The following HDGFL3 variants were observed in gnomAD, a reference collection of about 807,000 sequenced individuals.
The protein encoded by HDGFL3 is HDGF like 3.
Under a neutral mutation model 27.6 loss-of-function variants are expected in HDGFL3, and 6 were observed. The observed-to-expected ratio is 0.22, with a 90% CI of 0.12 to 0.43. The LOEUF is 0.43. HDGFL3 is among the 20% of genes least tolerant of loss of function. The pLI, the probability that HDGFL3 is intolerant of heterozygous loss-of-function variation, is 1.00. For synonymous variants in HDGFL3, 88 were observed against 88.9 expected (o/e 0.99, Z 0.05); for missense variants, 207 against 250.1 (o/e 0.83, Z 1.16).
downstream of HDGFL3, among the ~76,000 whole-genome samples, chr15:83,123,780 A>C (rs527388865): frequency 6.6e-6 from 1 of 152,342 alleles, no homozygotes; most frequent in Admixed American, 6.5e-5. Flanking sequence ...TAAAGGTTCC[A>C]TGTCAGTGTG....
At chr15:83,191,812 C>T (rs144544269) in intron 1 of HDGFL3, among the ~76,000 whole-genome samples, 128 of 152,024 alleles carry the variant, frequency 8.4e-4, no homozygotes, top group African/African-American at 2.6e-3. Flanking sequence ...CAAAAATCAC[C>T]GAATCCAAGC....
At chr15:83,144,179 T>C (rs1032493875) in intron 5 of HDGFL3, among the ~76,000 whole-genome samples, 1 of 152,212 alleles carries the variant, frequency 6.6e-6, no homozygotes, top group Admixed American at 6.5e-5. Flanking sequence ...GCGGATGCCA[T>C]AGCTGTGTGG....
chr15:83,162,797 G>A (rs1021316742), intron 2 of HDGFL3, among the ~76,000 whole-genome samples: 2 of 152,184 alleles, frequency 1.3e-5, no homozygotes, highest in Admixed American at 1.3e-4. Flanking sequence ...ACGTTCAAAT[G>A]AACATAAGTG....
At chr15:83,116,710 G>A (rs574459208) in intron 3 of HDGFL3, among the ~76,000 whole-genome samples, 1 of 152,358 alleles carries the variant, frequency 6.6e-6, no homozygotes, top group South Asian at 2.1e-4. Flanking sequence ...ACCAGCAGGG[G>A]CATAAACGTG....
rs925207141 is a variant in HDGFL3 at position 83,129,795 on chromosome 15, G to A, written c.*9475C>T. ...GGCTTTATTAGGCTGAGCCTCTCCA[G>A]GGAATAACCCAGGGAAACACTGAGG... On this transcript the variant is annotated 3_prime_UTR_variant, in exon 6 of 6. Transcript: ENST00000299633. 2.0e-5 allele frequency: 3 copies of A among 152,276 alleles called. No individual in the cohort carries two copies. Among genetic ancestry groups the A allele is most frequent in the African/African-American group, 7.2e-5 (3 of 41,446 alleles). 9.4% of individuals were successfully genotyped at this position (152,276 alleles called of 1,614,324 possible). A position where few individuals can be genotyped will look rare whatever the true frequency, so the allele number is the denominator to read the frequency against.
chr15:83,171,328 G>A (rs956019163), intron 1 of HDGFL3, among the ~76,000 whole-genome samples: 1 of 152,230 alleles, frequency 6.6e-6, no homozygotes, highest in Non-Finnish European at 1.5e-5. Flanking sequence ...GTGGAAAGCA[G>A]TTTGGAGATT....
intron 1 of HDGFL3, among the ~76,000 whole-genome samples, chr15:83,177,681 C>T (rs1299014122): frequency 6.6e-6 from 1 of 152,076 alleles, no homozygotes; most frequent in Non-Finnish European, 1.5e-5. Context: ...AAACATTGGT[C>T]ACTGAGTGTG....
At chr15:83,157,331 C>G (rs773738936) in intron 4 of HDGFL3, 84 bp downstream of exon 4, 25 of 1,310,760 alleles carry the variant, frequency 1.9e-5, no homozygotes, top group Non-Finnish European at 2.5e-5. Flanking sequence ...TTTCTATGTA[C>G]CCAATAAACA....
intron 3 of HDGFL3, chr15:83,120,094 A>T (rs535189500): frequency 5.5e-6 from 1 of 182,300 alleles, no homozygotes; most frequent in Non-Finnish European, 1.2e-5. Context: ...GCTTGGCTAC[A>T]TGGCTTGTCC....
chr15:83,115,425 T>G, exon 4 of HDGFL3: 1 of 335,152 alleles, frequency 3.0e-6, no homozygotes, highest in South Asian at 2.4e-5. Flanking sequence ...GCCTGAATCA[T>G]TGTCTTAAAC....
chr15:83,112,806 T>C, exon 4 of HDGFL3: 1 of 1,613,946 alleles, frequency 6.2e-7, no homozygotes, highest in South Asian at 1.1e-5. Context: ...GTTCCTGGAC[T>C]ATTGTAGGGG....
rs2036584230 is a variant in HDGFL3 at position 83,136,002 on chromosome 15, G to T, written c.*3268C>A. The T allele has an allele frequency of 6.6e-6, 1 of 152,496 alleles. No individual in the cohort carries two copies. Among genetic ancestry groups the T allele is most frequent in the African/African-American group, 2.4e-5 (1 of 41,430 alleles). The allele number at this position is 152,496 out of a possible 1,614,324, so 9.4% of individuals were successfully genotyped here. ...GATAAATGAAGCTGAGGTCCCCCCA[G>T]TGCTTCCCTTTCAATAGTTTATGCT... On this transcript the variant is annotated 3_prime_UTR_variant, in exon 6 of 6. Transcript: ENST00000299633.
At chr15:83,175,612 C>T (rs902305563) in intron 1 of HDGFL3, among the ~76,000 whole-genome samples, 3 of 152,198 alleles carry the variant, frequency 2.0e-5, no homozygotes, top group South Asian at 2.1e-4. Context: ...GTAATCCCAG[C>T]GCTTTGGAAG....
chr15:83,132,699 G>A lies in HDGFL3; in HGVS notation c.*6571C>T, dbSNP rs1427010833. On this transcript the variant is annotated 3_prime_UTR_variant, in exon 6 of 6. Coordinates refer to ENST00000299633, the MANE Select transcript of HDGFL3 (RefSeq NM_016073.4). ...ATGAGCCACCACGCTCAGCCTGGAA[G>A]TAAATTTCATACGGTTTTTCCCTCA... The A allele has an allele frequency of 6.6e-6, 1 of 152,070 alleles. No homozygotes were observed. The highest frequency in any genetic ancestry group is 1.5e-5 in the Non-Finnish European group (1 of 68,016). The allele number at this position is 152,070 out of a possible 1,614,324, so 9.4% of individuals were successfully genotyped here.
At chr15:83,179,510 T>C (rs1480930115) in intron 1 of HDGFL3, among the ~76,000 whole-genome samples, 1 of 152,110 alleles carries the variant, frequency 6.6e-6, no homozygotes, top group Non-Finnish European at 1.5e-5. Context: ...AGATGGTAGT[T>C]GGGGGTGAGA....
chr15:83,182,794 T>A (rs1375533762), intron 1 of HDGFL3, among the ~76,000 whole-genome samples: 1 of 152,182 alleles, frequency 6.6e-6, no homozygotes, highest in African/African-American at 2.4e-5. Flanking sequence ...GTTATATGCA[T>A]GCTGAAGTAT....
At chr15:83,202,231 C>T (rs2037656292) in intron 1 of HDGFL3, among the ~76,000 whole-genome samples, 3 of 151,980 alleles carry the variant, frequency 2.0e-5, no homozygotes, top group African/African-American at 7.2e-5. Flanking sequence ...AAAACTATAC[C>T]CCTGTGCCTT....
chr15:83,118,097 C>T (rs749263723), intron 3 of HDGFL3, among the ~76,000 whole-genome samples: 2 of 152,150 alleles, frequency 1.3e-5, no homozygotes, highest in Non-Finnish European at 2.9e-5. Flanking sequence ...CCTGGTGGCT[C>T]ATGCCTGTAA....
At chr15:83,150,973 T>A (rs1296332078) in intron 5 of HDGFL3, among the ~76,000 whole-genome samples, 3 of 152,176 alleles carry the variant, frequency 2.0e-5, no homozygotes, top group Non-Finnish European at 4.4e-5. Context: ...AAAGTTAGTA[T>A]AAAGAAAAAT....
Sources: allele counts gnomAD v4.1 joint callset (sites outside exome capture counted in the v4.1 genomes callset), GRCh38; gene constraint gnomAD v4.1.1; transcripts MANE v1.5; gene names NCBI Gene and HGNC (gene_info 2026-07-23, HGNC 2026-07-21).